Variants in CCDC158 observed in about 807,000 individuals in gnomAD.
CCDC158 encodes the protein coiled-coil domain containing 158.
In CCDC158, 116 loss-of-function variants were observed where a neutral mutation model predicts 138.6. The ratio of observed to expected loss-of-function variants is 0.84; its 90% CI spans 0.72 to 0.98. The LOEUF (loss-of-function observed/expected upper bound fraction) is 0.98, where lower values mean the gene tolerates loss of function less well. CCDC158 is among the 50% of genes least tolerant of loss of function. The pLI, the probability that CCDC158 is intolerant of heterozygous loss-of-function variation, is 0.00. For synonymous variants in CCDC158, 436 were observed against 442.4 expected (o/e 0.99, Z 0.18); for missense variants, 1,265 against 1,306.1 (o/e 0.97, Z 0.48).
chr4:76,321,545 GATCT>G (rs1245792817), intron 24 of CCDC158, among the ~76,000 whole-genome samples: 1 of 148,454 alleles, frequency 6.7e-6, no homozygotes, highest in East Asian at 2.0e-4. Context: ...AAATTATATC[GATCT>G]ATCTATATAT....
At chr4:76,348,984 T>C (rs1027568290) in intron 18 of CCDC158, among the ~76,000 whole-genome samples, 46 of 152,290 alleles carry the variant, frequency 3.0e-4, no homozygotes, top group African/African-American at 9.1e-4. Flanking sequence ...GAAAGATAGA[T>C]ATAAAGACCA....
At chr4:76,410,216 G>A (rs981542398) in intron 2 of CCDC158, among the ~76,000 whole-genome samples, 1 of 151,980 alleles carries the variant, frequency 6.6e-6, no homozygotes, top group Non-Finnish European at 1.5e-5. Flanking sequence ...ACAGAGTCTT[G>A]CTCTGTCGTC....
intron 24 of CCDC158, 40 bp downstream of exon 24, chr4:76,323,262 T>G (rs1254580340): frequency 7.0e-6 from 10 of 1,424,508 alleles, no homozygotes; most frequent in Admixed American, 5.5e-5. Flanking sequence ...GTGAACATTC[T>G]CATGAGCGAG....
chr4:76,338,830 A>G (rs1456670161), intron 18 of CCDC158, among the ~76,000 whole-genome samples: 1 of 152,200 alleles, frequency 6.6e-6, no homozygotes, highest in Non-Finnish European at 1.5e-5. Flanking sequence ...TGGTAAGCCC[A>G]CAAGAGAACC....
At chr4:76,324,295 C>T (rs1344614349) in intron 23 of CCDC158, among the ~76,000 whole-genome samples, 1 of 150,412 alleles carries the variant, frequency 6.6e-6, no homozygotes. Context: ...TCAAGTGATT[C>T]TCCTGCCTCA....
At chr4:76,388,347 A>G (rs968837980) in intron 4 of CCDC158, among the ~76,000 whole-genome samples, 1 of 152,126 alleles carries the variant, frequency 6.6e-6, no homozygotes, top group Admixed American at 6.5e-5. Flanking sequence ...CCTGTGTCAG[A>G]AGGGAACCTA....
At chr4:76,360,019 G>T (rs903460856) in intron 13 of CCDC158, among the ~76,000 whole-genome samples, 7 of 152,266 alleles carry the variant, frequency 4.6e-5, no homozygotes, top group Non-Finnish European at 7.3e-5. Flanking sequence ...CAGATCCAGA[G>T]CCCTGCTGCA....
chr4:76,413,168 C>T lies in CCDC158; in HGVS notation c.-116-1036G>A, dbSNP rs1729425014. Among the ~76,000 whole-genome samples the T allele has an allele frequency of 4.0e-5, 6 of 151,484 alleles. No individual in the cohort carries two copies. In the South Asian group the frequency reaches 1.1e-3, roughly 27 times the overall value. ...AACCACCAAGATTTTTGGAATATCT[C>T]GGTGGAATGTAAGCAGTTTTTCCAC... is the stretch of plus-strand genomic sequence containing the variant. On this transcript the variant is annotated intron_variant, in intron 1 of 24. Coordinates refer to ENST00000682701, the MANE Select transcript of CCDC158 (RefSeq NM_001394954.1).
chr4:76,376,434 T>A (rs1021811499), intron 9 of CCDC158, among the ~76,000 whole-genome samples: 1 of 152,218 alleles, frequency 6.6e-6, no homozygotes, highest in Non-Finnish European at 1.5e-5. Context: ...GTTATTTGAA[T>A]GGTATATACT....
chr4:76,342,054 C>A (rs549389142), intron 18 of CCDC158, among the ~76,000 whole-genome samples: 1 of 151,858 alleles, frequency 6.6e-6, no homozygotes, highest in Non-Finnish European at 1.5e-5. Flanking sequence ...TAAGTCCTGC[C>A]GAAATTATTA....
rs200011612 is a variant in CCDC158, at chr4:76,325,874, G to A, written c.3152C>T (p.Ser1051Leu). The change falls in exon 23 of 25, where the codon TCA becomes TTA. Residue 1051 changes from serine to leucine, a missense_variant. Coordinates refer to ENST00000682701, the MANE Select transcript of CCDC158 (RefSeq NM_001394954.1). Reference sequence around the variant, plus strand: ...TTTCTTACCTTTAACAGAATCAGATGAATGAATAGGTTTGGCAGATCTATA... The same window carrying A: ...TTTCTTACCTTTAACAGAATCAGATAAATGAATAGGTTTGGCAGATCTATA... ...SQYRSAKPIH[S>L]SDSVKDSQSP... 1.9e-6 allele frequency: 3 copies of A among 1,610,562 alleles called. No homozygotes were observed. The highest frequency in any genetic ancestry group is 2.5e-6 in the Non-Finnish European group (3 of 1,178,786).
At chr4:76,379,773 C>T (rs1015377224) in intron 8 of CCDC158, among the ~76,000 whole-genome samples, 5 of 151,574 alleles carry the variant, frequency 3.3e-5, no homozygotes, top group African/African-American at 7.3e-5. Context: ...CACACACACA[C>T]ACACACACGG....
chr4:76,316,450 A>G (rs1034196452), intron 24 of CCDC158, among the ~76,000 whole-genome samples: 1 of 152,186 alleles, frequency 6.6e-6, no homozygotes, highest in African/African-American at 2.4e-5. Context: ...GCCTCCAAGA[A>G]GTCTGGGATT....
intron 1 of CCDC158, among the ~76,000 whole-genome samples, chr4:76,417,940 T>C (rs1342656546): frequency 6.6e-6 from 1 of 152,194 alleles, no homozygotes; most frequent in Non-Finnish European, 1.5e-5. Context: ...GGGCTTCTAA[T>C]GGAGGCCAAC....
At chr4:76,420,241 T>G (rs953882412) in intron 1 of CCDC158, among the ~76,000 whole-genome samples, 4 of 151,796 alleles carry the variant, frequency 2.6e-5, no homozygotes, top group African/African-American at 9.7e-5. Flanking sequence ...GAAGCCCTGG[T>G]CCTTTCCCCA....
chr4:76,398,084 T>G (rs956258581), intron 3 of CCDC158, among the ~76,000 whole-genome samples: 1 of 152,080 alleles, frequency 6.6e-6, no homozygotes, highest in Non-Finnish European at 1.5e-5. Context: ...CACTTTGAAT[T>G]AAAAAAACAA....
At chr4:76,406,598 G>C (rs1401120654) in intron 2 of CCDC158, among the ~76,000 whole-genome samples, 2 of 151,990 alleles carry the variant, frequency 1.3e-5, no homozygotes, top group Non-Finnish European at 2.9e-5. Context: ...CCATAAAGTA[G>C]GTTTCCATAA....
chr4:76,391,992 C>T (rs553664881), intron 4 of CCDC158, among the ~76,000 whole-genome samples: 1 of 151,652 alleles, frequency 6.6e-6, no homozygotes, highest in South Asian at 2.1e-4. Flanking sequence ...CTGAACAAGT[C>T]CCAGTAAAGA....
At chr4:76,402,912 G>A (rs1047213686) in intron 3 of CCDC158, among the ~76,000 whole-genome samples, 1 of 152,188 alleles carries the variant, frequency 6.6e-6, no homozygotes, top group Non-Finnish European at 1.5e-5. Context: ...GGGGCATGTT[G>A]AGGCTGAAGT....
Sources: gnomAD v4.1 joint callset for allele counts (sites outside exome capture counted in the v4.1 genomes callset) on GRCh38, gnomAD v4.1.1 for gene constraint, MANE v1.5 for transcripts, NCBI Gene and HGNC (gene_info 2026-07-23, HGNC 2026-07-21) for gene names.